PRSS3: variants seen among roughly 807,000 people sequenced by gnomAD.
PRSS3 encodes the protein serine protease 3, also known as trypsin-3.
In PRSS3, 14 loss-of-function variants were observed where a neutral mutation model predicts 20.8. That is an observed-to-expected ratio of 0.67 (90% confidence interval 0.44 to 1.05). PRSS3 has a LOEUF of 1.05. Ranked by LOEUF, PRSS3 falls within the 50% of genes least tolerant of loss-of-function variation. The probability of loss-of-function intolerance (pLI) is 0.00; values close to 1 mark genes in which losing one functional copy is unlikely to be tolerated. For missense variants in PRSS3, 237 were observed against 306.4 expected (o/e 0.77, Z 1.69); for synonymous variants, 91 against 117.6 (o/e 0.77, Z 1.46).
At chr9:33,767,653 G>A (rs1281724640) in intron 1 of PRSS3, among the ~76,000 whole-genome samples, 14 of 151,992 alleles carry the variant, frequency 9.2e-5, no homozygotes, top group African/African-American at 1.5e-4. Context: ...GTGAAACCCC[G>A]TCTCTACTAA....
At chr9:33,766,555 A>G (rs999683135) in intron 1 of PRSS3, among the ~76,000 whole-genome samples, 9 of 152,320 alleles carry the variant, frequency 5.9e-5, no homozygotes, top group Admixed American at 5.2e-4. Flanking sequence ...CCTGGGCGAC[A>G]GAGCAAGACT....
chr9:33,784,816 G>GT (rs1308124223), intron 1 of PRSS3, among the ~76,000 whole-genome samples: 1 of 152,144 alleles, frequency 6.6e-6, no homozygotes. Context: ...ACAGGCAACT[G>GT]TAAGAGTCAG....
chr9:33,783,471 G>A (rs1255168889), intron 1 of PRSS3, among the ~76,000 whole-genome samples: 1 of 152,070 alleles, frequency 6.6e-6, no homozygotes, highest in African/African-American at 2.4e-5. Context: ...ATGAATAGAA[G>A]GATGGATAGA....
chr9:33,793,538 G>T, upstream of PRSS3: 1 of 335,122 alleles, frequency 3.0e-6, no homozygotes, highest in South Asian at 1.2e-4. Context: ...CTGAGACAAG[G>T]TGCCAGGAGA....
intron 1 of PRSS3, among the ~76,000 whole-genome samples, chr9:33,756,097 G>A (rs976154313): frequency 1.3e-5 from 2 of 152,070 alleles, no homozygotes; most frequent in Non-Finnish European, 1.5e-5. Context: ...CATAAGAGGC[G>A]GTTGCTTTTT....
chr9:33,777,707 CAA>C (rs756641458), intron 1 of PRSS3, among the ~76,000 whole-genome samples: 10 of 56,368 alleles, frequency 1.8e-4, no homozygotes, highest in Admixed American at 2.0e-4. Context: ...GACTGCGTCT[CAA>C]AAAAAAAAAA....
intron 1 of PRSS3, among the ~76,000 whole-genome samples, chr9:33,762,940 G>A (rs1563957443): frequency 6.6e-6 from 1 of 152,290 alleles, no homozygotes; most frequent in East Asian, 1.9e-4. Flanking sequence ...GACATTTTCA[G>A]GTAAGCCTCA....
chr9:33,756,033 AT>A, intron 1 of PRSS3, among the ~76,000 whole-genome samples: 1 of 152,186 alleles, frequency 6.6e-6, no homozygotes, highest in East Asian at 1.9e-4. Context: ...AGTTTTTGTA[AT>A]TTTACGCCTT....
At chr9:33,752,427 C>T (rs1024322173) in intron 1 of PRSS3, among the ~76,000 whole-genome samples, 4 of 152,198 alleles carry the variant, frequency 2.6e-5, no homozygotes, top group Admixed American at 6.5e-5. Flanking sequence ...GAGTCACTCC[C>T]CTAGCCAAAG....
chr9:33,772,580 C>T (rs557443618), intron 1 of PRSS3, among the ~76,000 whole-genome samples: 60 of 152,204 alleles, frequency 3.9e-4, no homozygotes, highest in African/African-American at 1.4e-3. Flanking sequence ...TTTTGTGAGA[C>T]GGAGTTTCGC....
chr9:33,754,045 T>C (rs1822819434), intron 1 of PRSS3, among the ~76,000 whole-genome samples: 1 of 152,002 alleles, frequency 6.6e-6, no homozygotes, highest in Non-Finnish European at 1.5e-5. Flanking sequence ...TTTTTTTCTT[T>C]TCTTTTCTCT....
chr9:33,752,122 G>C (rs1024269628), intron 1 of PRSS3, among the ~76,000 whole-genome samples: 1 of 152,072 alleles, frequency 6.6e-6, no homozygotes, highest in African/African-American at 2.4e-5. Context: ...ACATCTTCAT[G>C]AAGAAGGAAA....
In PRSS3 at chr9:33,771,629, G is replaced by GT. The variant is rs1215528117; in HGVS notation, c.-53+20909dup. On this transcript the variant is annotated intron_variant, in intron 1 of 5. Coordinates refer to the PRSS3 transcript ENST00000342836. ...GGCATGAGCCACTGCACTGGGTTTTGTTTTTTTGTTTTTTTGTTTTTTTTT... is the reference window on the plus strand; with the variant it reads ...GGCATGAGCCACTGCACTGGGTTTTGTTTTTTTTGTTTTTTTGTTTTTTTTT... 1.8e-3 allele frequency among the ~76,000 whole-genome samples: 206 copies of GT among 115,186 alleles called. 8 individuals are homozygous for GT. Among genetic ancestry groups the GT allele is most frequent in the African/African-American group, 2.6e-3 (73 of 28,504 alleles). 75.6% of individuals were successfully genotyped at this position (115,186 alleles called of 152,430 possible).
rs1183738501 is a variant in PRSS3, at chr9:33,771,637, GT to G, written c.-53+20917del. Among the ~76,000 whole-genome samples the G allele has an allele frequency of 1.1e-4, 10 of 87,972 alleles. 1 individual carries two copies. Among genetic ancestry groups the G allele is most frequent in the Admixed American group, 5.0e-4 (4 of 7,976 alleles). 57.7% of individuals were successfully genotyped at this position (87,972 alleles called of 152,430 possible). On this transcript the variant is annotated intron_variant, in intron 1 of 5. Transcript: ENST00000342836. The stretch of plus-strand genomic sequence containing the variant: ...CCACTGCACTGGGTTTTGTTTTTTT[GT>G]TTTTTTGTTTTTTTTTTTTTTGAGA...
chr9:33,755,623 G>T (rs897048830), intron 1 of PRSS3, among the ~76,000 whole-genome samples: 1 of 152,116 alleles, frequency 6.6e-6, no homozygotes, highest in South Asian at 2.1e-4. Flanking sequence ...CCCAACTAAG[G>T]CACATGACAC....
chr9:33,798,871 A>G (rs1183800250), intron 4 of PRSS3, 157 bp from the exon 5 acceptor site: 2 of 1,131,314 alleles, frequency 1.8e-6, no homozygotes, highest in Non-Finnish European at 2.6e-6. Context: ...CTTGTGCTGC[A>G]CGCTGCCTGC....
At chr9:33,754,217 G>A (rs1464931357) in intron 1 of PRSS3, among the ~76,000 whole-genome samples, 4 of 151,760 alleles carry the variant, frequency 2.6e-5, no homozygotes, top group Admixed American at 6.6e-5. Context: ...GATTACAGGC[G>A]TGCACCACCA....
upstream of PRSS3, chr9:33,794,711 A>G (rs1177394725): frequency 1.3e-6 from 2 of 1,524,500 alleles, no homozygotes; most frequent in African/African-American, 1.4e-5. Flanking sequence ...GTCAGCCCTG[A>G]GCAGGTGAGT....
intron 1 of PRSS3, among the ~76,000 whole-genome samples, chr9:33,777,254 A>T (rs1163581091): frequency 6.6e-6 from 1 of 152,166 alleles, no homozygotes; most frequent in East Asian, 1.9e-4. Flanking sequence ...AAATTAAAAT[A>T]TTCATTGGCA....
Sources: gnomAD v4.1 joint callset for allele counts (sites outside exome capture counted in the v4.1 genomes callset) on GRCh38, gnomAD v4.1.1 for gene constraint, MANE v1.5 for transcripts, NCBI Gene and HGNC (gene_info 2026-07-23, HGNC 2026-07-21) for gene names.